The following RBFOX1 variants were observed in gnomAD, a reference collection of about 807,000 sequenced individuals.
RBFOX1 encodes RNA binding fox-1 homolog 1.
A neutral mutation model predicts 57.7 loss-of-function variants in RBFOX1; 8 were observed. The observed-to-expected ratio is 0.14, with a 90% CI of 0.08 to 0.25. RBFOX1 has a LOEUF of 0.25. RBFOX1 is among the 10% of genes least tolerant of loss of function. The pLI is 1.00. For synonymous variants in RBFOX1, 326 were observed against 222.4 expected, an observed-to-expected ratio of 1.47 and a Z score of -4.15; for missense variants, 611 against 548.5, an observed-to-expected ratio of 1.11 and a Z score of -1.14.
chr16:6,022,131 G>T (rs2095092938), intron 1 of RBFOX1, among the ~76,000 whole-genome samples: 1 of 152,150 alleles, frequency 6.6e-6, no homozygotes, highest in Non-Finnish European at 1.5e-5. Flanking sequence ...GGTGGCATTT[G>T]ACTTGCTGTC....
At chr16:6,651,197 C>T (rs545115908) in intron 2 of RBFOX1, among the ~76,000 whole-genome samples, 6 of 152,206 alleles carry the variant, frequency 3.9e-5, no homozygotes, top group Admixed American at 2.6e-4. Flanking sequence ...CCACCACACC[C>T]GGCCTGGAAC....
intron 4 of RBFOX1, among the ~76,000 whole-genome samples, chr16:7,359,145 C>A (rs1346365722): frequency 1.3e-5 from 2 of 152,280 alleles, no homozygotes; most frequent in East Asian, 3.9e-4. Context: ...CAATTCCTAG[C>A]CATCCGTGCA....
chr16:6,527,301 C>G (rs1007971186), intron 2 of RBFOX1, among the ~76,000 whole-genome samples: 3 of 151,880 alleles, frequency 2.0e-5, no homozygotes, highest in African/African-American at 7.3e-5. Flanking sequence ...AATGTGATAT[C>G]TTAGGTATAT....
At chr16:6,483,090 T>C (rs1597901195) in intron 2 of RBFOX1, 1 of 988,122 alleles carries the variant, frequency 1.0e-6, no homozygotes, top group Non-Finnish European at 1.2e-6. Context: ...CTCCGACCCG[T>C]AGGGGCGGGA....
chr16:6,722,680 C>G (rs149576228), intron 3 of RBFOX1, among the ~76,000 whole-genome samples: 60 of 152,310 alleles, frequency 3.9e-4, no homozygotes, highest in African/African-American at 1.2e-3. Context: ...AATTCTGTGT[C>G]TCTCTTGCAG....
chr16:6,172,109 C>G (rs779939353), intron 1 of RBFOX1, among the ~76,000 whole-genome samples: 3 of 152,118 alleles, frequency 2.0e-5, no homozygotes, highest in Non-Finnish European at 2.9e-5. Context: ...GCATGAGCCA[C>G]CGAGCCCAGC....
At chr16:6,625,891 G>A (rs1482257136) in intron 2 of RBFOX1, among the ~76,000 whole-genome samples, 2 of 152,132 alleles carry the variant, frequency 1.3e-5, no homozygotes, top group Non-Finnish European at 2.9e-5. Context: ...ATTGGCTCCA[G>A]GTAGAAATTA....
At position 5,903,059 on chromosome 16, in the gene RBFOX1, C is replaced by A. The variant is rs556718273; in HGVS notation, c.351+35724C>A. Among the ~76,000 whole-genome samples, 6 of 152,156 alleles carry A rather than the reference C, an allele frequency of 3.9e-5. No individual in the cohort carries two copies. The East Asian group carries it at 9.7e-4, about 24-fold the overall frequency. On this transcript the variant is annotated intron_variant, in intron 4 of 19. Coordinates refer to the RBFOX1 transcript ENST00000641259. ...GGCTCCTAGCCTTTTCTTGGACTTG[C>A]CTGAGCCGACTTACTGTTTGTATTA... is the stretch of plus-strand genomic sequence containing the variant.
At chr16:6,170,235 G>A (rs148768225) in intron 1 of RBFOX1, among the ~76,000 whole-genome samples, 2 of 152,142 alleles carry the variant, frequency 1.3e-5, no homozygotes, top group African/African-American at 4.8e-5. Context: ...GACTATGAAA[G>A]CCGTGTTCAT....
chr16:6,607,186 C>T (rs1188601085), intron 2 of RBFOX1, among the ~76,000 whole-genome samples: 3 of 152,132 alleles, frequency 2.0e-5, no homozygotes, highest in African/African-American at 7.2e-5. Flanking sequence ...GATGAGTGTT[C>T]ATCTGACTAC....
At chr16:6,424,852 T>C (rs1027413812) in intron 2 of RBFOX1, among the ~76,000 whole-genome samples, 1 of 152,162 alleles carries the variant, frequency 6.6e-6, no homozygotes, top group African/African-American at 2.4e-5. Flanking sequence ...TGAGATGCTA[T>C]TAAATGGAAA....
chr16:6,750,834 G>T (rs1341914983), intron 3 of RBFOX1, among the ~76,000 whole-genome samples: 15 of 152,184 alleles, frequency 9.9e-5, no homozygotes, highest in Admixed American at 9.8e-4. Context: ...GCCAAAGGGG[G>T]ATGTGTGTGA....
chr16:6,958,855 T>C (rs1170912670), intron 3 of RBFOX1, among the ~76,000 whole-genome samples: 2 of 152,118 alleles, frequency 1.3e-5, no homozygotes, highest in Non-Finnish European at 2.9e-5. Context: ...TTCAAGGAGG[T>C]ATCTTTTATT....
At chr16:7,293,670 T>C (rs2095837786) in intron 4 of RBFOX1, among the ~76,000 whole-genome samples, 1 of 152,142 alleles carries the variant, frequency 6.6e-6, no homozygotes. Context: ...ATCCTAGAGA[T>C]TGTCTGTTTG....
chr16:7,523,564 C>G (rs2077987654), intron 5 of RBFOX1, among the ~76,000 whole-genome samples: 1 of 152,150 alleles, frequency 6.6e-6, no homozygotes, highest in African/African-American at 2.4e-5. Flanking sequence ...GGTTAGCTGT[C>G]TACTCTGTCT....
chr16:6,296,484 G>C (rs1250666450), intron 1 of RBFOX1, among the ~76,000 whole-genome samples: 1 of 151,732 alleles, frequency 6.6e-6, no homozygotes, highest in Non-Finnish European at 1.5e-5. Flanking sequence ...GCAATGGCGG[G>C]ATCTCGGCTC....
rs543701211 is a variant in RBFOX1 at position 6,990,669 on chromosome 16, A to T, written c.-15-61388A>T. ...TTTTTGTCATTACTTTCAAAGGCAA[A>T]AGCCGTGATCAGTTTTGCACCGACC... On this transcript the variant is annotated intron_variant, in intron 3 of 15. Coordinates refer to ENST00000550418, the MANE Select transcript of RBFOX1 (RefSeq NM_018723.4). 2.6e-5 allele frequency among the ~76,000 whole-genome samples: 4 copies of T among 152,238 alleles called. No individual in the cohort carries two copies. In the South Asian group the frequency reaches 8.3e-4, roughly 32 times the overall value.
intron 1 of RBFOX1, among the ~76,000 whole-genome samples, chr16:6,085,322 A>T (rs1042493430): frequency 3.0e-4 from 45 of 152,286 alleles, no homozygotes; most frequent in African/African-American, 1.1e-3. Context: ...GCCCAGGCTG[A>T]AGTGCAGTGG....
intron 3 of RBFOX1, among the ~76,000 whole-genome samples, chr16:6,918,632 G>C (rs528042390): frequency 1.3e-5 from 2 of 152,242 alleles, no homozygotes; most frequent in East Asian, 3.9e-4. Context: ...ACCCTTCTCA[G>C]TGAAAATGTG....
Sources: gnomAD v4.1 joint callset for allele counts (sites outside exome capture counted in the v4.1 genomes callset) on GRCh38, gnomAD v4.1.1 for gene constraint, MANE v1.5 for transcripts, NCBI Gene and HGNC (gene_info 2026-07-23, HGNC 2026-07-21) for gene names.